The following CERS1 variants were observed in gnomAD, a reference collection of about 807,000 sequenced individuals.
CERS1 encodes Embryonic growth/differentiation factor 1.
CERS1 carries 16 observed loss-of-function variants against 35.7 expected under a neutral mutation model. That is an observed-to-expected ratio of 0.45 (90% CI 0.30 to 0.68). The LOEUF is 0.68. Ranked by LOEUF, CERS1 falls within the 30% of genes least tolerant of loss-of-function variation. The pLI is 0.08. For missense variants in CERS1, 454 were observed against 453.9 expected (o/e 1.00, Z 0.00); for synonymous variants, 243 against 201.6 (o/e 1.21, Z -1.74).
chr19:18,880,665 C>A (rs934983312), intron 3 of CERS1, among the ~76,000 whole-genome samples: 10 of 151,988 alleles, frequency 6.6e-5, no homozygotes, highest in Non-Finnish European at 1.3e-4. Flanking sequence ...TCTTCCCTGC[C>A]TCAGTGTCCC....
In CERS1 at chr19:18,868,550, G is replaced by C; in HGVS notation, c.*1435C>G. On this transcript the variant is annotated 3_prime_UTR_variant, in exon 8 of 8. Transcript: ENST00000623882. ...GGAGTCCAAGGAGACCAGCGGAGCA[G>C]ACCACGCGGCATTTATTGTTGGGCC... 2 of 1,437,204 alleles carry C rather than the reference G, an allele frequency of 1.4e-6. No individual in the cohort carries two copies. The highest frequency in any genetic ancestry group is 1.9e-6 in the Non-Finnish European group (2 of 1,046,822). The allele number at this position is 1,437,204 out of a possible 1,614,324, so 89.0% of individuals were successfully genotyped here.
rs373927986 is a variant in CERS1 at position 18,879,029 on chromosome 19, G to A, written c.911C>T (p.Ala304Val). Residue 304 changes from alanine to valine, a missense_variant, in exon 6 of 8, where the codon GCG (alanine) becomes GTG (valine). Ala to Val is a moderately conservative substitution (Grantham distance 64). Transcript: ENST00000623882. Reference protein sequence around the residue: ...MNLYWFLYIVAFAAKVLTGQV... With the variant: ...MNLYWFLYIVVFAAKVLTGQV... ...GCCTGTCAACACCTTGGCTGCAAAC[G>A]CCACGATGTACTGCGAGAGGGGAGG... The A allele has an allele frequency of 2.7e-5, 43 of 1,613,372 alleles. No individual in the cohort carries two copies. In the African/African-American group the frequency reaches 2.9e-4, roughly 11 times the overall value.
In CERS1 at chr19:18,868,876, G is replaced by T. The variant is rs1192368270; in HGVS notation, c.*1109C>A. 2.1e-6 allele frequency: 3 copies of T among 1,434,806 alleles called. No homozygotes were observed. The African/African-American group carries it at 4.5e-5, about 22-fold the overall frequency. 88.9% of individuals were successfully genotyped at this position (1,434,806 alleles called of 1,614,324 possible). A position where few individuals can be genotyped will look rare whatever the true frequency, so the allele number is the denominator to read the frequency against. ...GCGGCGCGATGACCCAGCGGTGCCA[G>T]CCCACCTCGCGGAAGCTCACGTACA... On this transcript the variant is annotated 3_prime_UTR_variant, in exon 8 of 8. Transcript: ENST00000623882.
Position 18,870,485 on chromosome 19 carries a change from G to C in CERS1, c.*92C>G. ...AGGTGGCGGCGGCCCTAGAGGAGCA[G>C]AGTTGGAGGGGGTGGAGGGGCGGCC... is the stretch of plus-strand genomic sequence containing the variant. On this transcript the variant is annotated 3_prime_UTR_variant, in exon 7 of 8. Coordinates refer to ENST00000623882, the MANE Select transcript of CERS1 (RefSeq NM_021267.5). The surrounding 1 kb of genome is among the most constrained non-coding windows in gnomAD (Gnocchi z 5.1). 1 of 544,474 alleles carries C rather than the reference G, an allele frequency of 1.8e-6. No homozygotes were observed. Among genetic ancestry groups the C allele is most frequent in the Non-Finnish European group, 3.3e-6 (1 of 307,342 alleles). The allele number at this position is 544,474 out of a possible 1,614,324, so 33.7% of individuals were successfully genotyped here.
In CERS1 at chr19:18,895,795, C is replaced by T; in HGVS notation, c.249+29G>A. 1 of 1,186,692 alleles carries T rather than the reference C, an allele frequency of 8.4e-7. No homozygotes were observed. Among genetic ancestry groups the T allele is most frequent in the Non-Finnish European group, 1.1e-6 (1 of 944,966 alleles). The allele number at this position is 1,186,692 out of a possible 1,614,324, so 73.5% of individuals were successfully genotyped here. A position where few individuals can be genotyped will look rare whatever the true frequency, so the allele number is the denominator to read the frequency against. On this transcript the variant is annotated intron_variant, in intron 1 of 7. Transcript: ENST00000623882. This position sits in a 1 kb window ranked among gnomAD's most constrained non-coding sequence, Gnocchi z 6.4. ...TCCCGGCTTCCCCCAGTCCGGGGTC[C>T]CCTCGTCCCGGCCCCCGGCCACACT...
chr19:18,878,635 A>G lies in CERS1; in HGVS notation c.1010+295T>C. 8.2e-7 allele frequency: 1 copy of G among 1,214,762 alleles called. No homozygotes were observed. The allele number at this position is 1,214,762 out of a possible 1,614,324, so 75.2% of individuals were successfully genotyped here. A position where few individuals can be genotyped will look rare whatever the true frequency, so the allele number is the denominator to read the frequency against. On this transcript the variant is annotated intron_variant, in intron 6 of 7. Transcript: ENST00000623882. The surrounding 1 kb of genome is among the most constrained non-coding windows in gnomAD (Gnocchi z 4.6). ...ACCACCCACAGGGCCCTGGCTCGCC[A>G]CTCCCGCCACACCAGCCACTAGGCC...
intron 6 of CERS1, among the ~76,000 whole-genome samples, chr19:18,875,660 TG>T (rs1431625565): frequency 1.3e-5 from 2 of 152,330 alleles, no homozygotes; most frequent in Admixed American, 1.3e-4. Context: ...CCTCGGCCTT[TG>T]TGGCCACGTT....
intron 3 of CERS1, chr19:18,883,245 A>G (rs2056259308): frequency 6.6e-6 from 1 of 152,248 alleles, no homozygotes; most frequent in Admixed American, 6.5e-5. Context: ...GTATATGAGC[A>G]GTGTATTTCA....
chr19:18,888,631 G>T (rs2056419562), intron 2 of CERS1, among the ~76,000 whole-genome samples: 1 of 149,262 alleles, frequency 6.7e-6, no homozygotes, highest in Admixed American at 6.7e-5. Flanking sequence ...GGGAGTTCAA[G>T]ACCAGCCTGA....
At chr19:18,879,063 C>T in intron 5 of CERS1, 24 bp from the exon 6 acceptor site, 1 of 1,610,830 alleles carries the variant, frequency 6.2e-7, no homozygotes. Flanking sequence ...GGGGAGGTGC[C>T]AGTGAGAAGA....
chr19:18,882,381 C>G lies in CERS1; in HGVS notation c.590+1706G>C, dbSNP rs1222682250. 2.0e-5 allele frequency among the ~76,000 whole-genome samples: 3 copies of G among 151,694 alleles called. No homozygotes were observed. The South Asian group carries it at 6.3e-4, about 32-fold the overall frequency. The stretch of plus-strand genomic sequence containing the variant: ...GACGTGGTGGCTCACACCTGTAATC[C>G]CAGCACTTTGGGAGGCCGAGGCAGG... On this transcript the variant is annotated intron_variant, in intron 3 of 7. Coordinates refer to ENST00000623882, the MANE Select transcript of CERS1 (RefSeq NM_021267.5).
At chr19:18,873,174 T>TATCA in intron 6 of CERS1, among the ~76,000 whole-genome samples, 1 of 152,278 alleles carries the variant, frequency 6.6e-6, no homozygotes, top group African/African-American at 2.4e-5. Context: ...GACACTAGTC[T>TATCA]ATCACTAGAG....
intron 2 of CERS1, among the ~76,000 whole-genome samples, chr19:18,891,672 G>A (rs2056494381): frequency 6.6e-6 from 1 of 151,970 alleles, no homozygotes; most frequent in African/African-American, 2.4e-5. Flanking sequence ...CCACCTACCG[G>A]GTTCAAGCAA....
chr19:18,885,814 C>T (rs960019241), intron 2 of CERS1, among the ~76,000 whole-genome samples: 2 of 152,112 alleles, frequency 1.3e-5, no homozygotes, highest in Non-Finnish European at 2.9e-5. Context: ...CCGCTGCGCC[C>T]GGCCTCTTCC....
upstream of CERS1, chr19:18,896,598 G>A (rs1465107574): frequency 6.6e-6 from 1 of 152,608 alleles, no homozygotes; most frequent in Non-Finnish European, 1.5e-5. This position sits in a 1 kb window ranked among gnomAD's most constrained non-coding sequence, Gnocchi z 5.9. Context: ...AGGACCCGAG[G>A]CCTGGCACGC....
chr19:18,893,671 C>T (rs529796804), intron 1 of CERS1, 96 bp from the exon 2 acceptor site: 54 of 1,301,500 alleles, frequency 4.1e-5, no homozygotes, highest in Non-Finnish European at 5.1e-5. Context: ...CTCCCCAGGC[C>T]GGGCAGCACT....
chr19:18,871,733 C>G (rs899684318), intron 6 of CERS1, among the ~76,000 whole-genome samples: 1 of 152,222 alleles, frequency 6.6e-6, no homozygotes, highest in Non-Finnish European at 1.5e-5. Context: ...CTGTCCCCAT[C>G]CAAGGACTGT....
upstream of CERS1, chr19:18,896,415 TCCCCCACCCCACCGCG>T (rs2056628168): frequency 7.3e-6 from 1 of 136,466 alleles, no homozygotes; most frequent in African/African-American, 2.8e-5. This position sits in a 1 kb window ranked among gnomAD's most constrained non-coding sequence, Gnocchi z 5.9. Context: ...CGCCCCCCGC[TCCCCCACCCCACCGCG>T]CCGTGCCCGT....
At chr19:18,883,807 G>C (rs571092748) in intron 3 of CERS1, among the ~76,000 whole-genome samples, 60 of 152,300 alleles carry the variant, frequency 3.9e-4, no homozygotes, top group Non-Finnish European at 7.8e-4. Context: ...TGAAGAGCTG[G>C]GTGGGTGAGT....
Sources: allele counts gnomAD v4.1 joint callset (sites outside exome capture counted in the v4.1 genomes callset), GRCh38; gene constraint gnomAD v4.1.1; non-coding constraint Gnocchi (gnomAD v3.1); transcripts MANE v1.5; gene names NCBI Gene and HGNC (gene_info 2026-07-23, HGNC 2026-07-21).